GPR37: variants seen among roughly 807,000 people sequenced by gnomAD.
The protein encoded by GPR37 is G protein-coupled receptor 37.
Under a neutral mutation model 43.6 loss-of-function variants are expected in GPR37, and 20 were observed. That is an observed-to-expected ratio of 0.46 (90% CI 0.32 to 0.67). The LOEUF is 0.67. Among genes scored for constraint, GPR37 ranks in the 30% least tolerant of loss-of-function variants. GPR37 has a pLI of 0.03. For missense variants in GPR37, 724 were observed against 797.2 expected, an observed-to-expected ratio of 0.91 and a Z score of 1.11; for synonymous variants, 315 against 322.6, an observed-to-expected ratio of 0.98 and a Z score of 0.25.
At position 124,746,476 on chromosome 7, in the gene GPR37, G is replaced by T; in HGVS notation, c.*49C>A. The T allele has an allele frequency of 5.3e-6, 7 of 1,313,568 alleles. No homozygotes were observed. The highest frequency in any genetic ancestry group is 2.4e-5 in the East Asian group (1 of 40,890). The allele number at this position is 1,313,568 out of a possible 1,614,324, so 81.4% of individuals were successfully genotyped here. On this transcript the variant is annotated 3_prime_UTR_variant, in exon 2 of 2. Transcript: ENST00000303921. ...AAAAATATGAATTAAAAACTTTCAC[G>T]GGATATGAAAATCAAACAAATAAAT...
Position 124,745,237 on chromosome 7 carries a change from A to G in GPR37, c.*1288T>C, listed in dbSNP as rs1056477239. On this transcript the variant is annotated 3_prime_UTR_variant, in exon 2 of 2. Transcript: ENST00000303921. ...CAAGAAAACTGGGTTCTCTATAACA[A>G]GATTTTTCTGAAGACAAAGACATCC... Among the ~76,000 whole-genome samples, 3 of 152,164 alleles carry G rather than the reference A, an allele frequency of 2.0e-5. No homozygotes were observed. Among genetic ancestry groups the G allele is most frequent in the Non-Finnish European group, 4.4e-5 (3 of 68,018 alleles).
rs767736051 is a variant in GPR37, at chr7:124,763,961, T to A, written c.1016A>T (p.Tyr339Phe). Residue 339 changes from tyrosine to phenylalanine, a missense_variant, in exon 1 of 2, where the codon TAT becomes TTT. By Grantham distance (22) the Tyr-to-Phe change is conservative. Around this residue, in one of 2 missense-constraint regions of GPR37, gnomAD observed 342 missense variants for 441.8 expected, o/e 0.77. Coordinates refer to ENST00000303921, the MANE Select transcript of GPR37 (RefSeq NM_005302.5). ...LEDFSCKIVP[Y>F]IEVASLGVTT... ...GCCCCTGGAAGGCATTACCTCTATATAGGGCACGATCTTGCAGGAGAAGTC... is the reference window on the plus strand; with the variant it reads ...GCCCCTGGAAGGCATTACCTCTATAAAGGGCACGATCTTGCAGGAGAAGTC... 3 of 1,613,808 alleles carry A rather than the reference T, an allele frequency of 1.9e-6. No homozygotes were observed. In the Admixed American group the frequency reaches 5.0e-5, roughly 27 times the overall value.
At position 124,764,348 on chromosome 7, in the gene GPR37, C is replaced by A. The variant is rs371391284; in HGVS notation, c.629G>T (p.Trp210Leu). Residue 210 changes from tryptophan to leucine, a missense_variant, in exon 1 of 2, where the codon TGG becomes TTG. Trp to Leu is a moderately conservative substitution (Grantham distance 61, BLOSUM62 -2). Coordinates refer to ENST00000303921, the MANE Select transcript of GPR37 (RefSeq NM_005302.5). This position sits in a 1 kb window ranked among gnomAD's most constrained non-coding sequence, Gnocchi z 5.4. Reference sequence around the variant, plus strand: ...CGCCCGGCCCGGGAGTGCAATTGTCCACCCTTCGTGCCCCGCCAGTCCATT... The same window carrying A: ...CGCCCGGCCCGGGAGTGCAATTGTCAACCCTTCGTGCCCCGCCAGTCCATT... ...TANGLAGHEG[W>L]TIALPGRALA... The A allele has an allele frequency of 2.1e-4, 337 of 1,613,130 alleles. No individual in the cohort carries two copies. The highest frequency in any genetic ancestry group is 2.3e-4 in the Non-Finnish European group (275 of 1,179,850).
chr7:124,744,982 T>G lies in GPR37; in HGVS notation c.*1543A>C, dbSNP rs1398989338. ...TACAAGAAGACAAGGGCACCTTGTT[T>G]GAATTCTCCTGCAGATCCCACAGAA... On this transcript the variant is annotated 3_prime_UTR_variant, in exon 2 of 2. Transcript: ENST00000303921. 1 of 152,144 alleles carries G rather than the reference T, an allele frequency of 6.6e-6. No individual in the cohort carries two copies. The highest frequency in any genetic ancestry group is 1.5e-5 in the Non-Finnish European group (1 of 68,026). The allele number at this position is 152,144 out of a possible 1,614,324, so 9.4% of individuals were successfully genotyped here. A position where few individuals can be genotyped will look rare whatever the true frequency, so the allele number is the denominator to read the frequency against.
chr7:124,753,745 C>T (rs573072973), intron 1 of GPR37, among the ~76,000 whole-genome samples: 214 of 152,166 alleles, frequency 1.4e-3, no homozygotes, highest in African/African-American at 5.0e-3. Flanking sequence ...TCCCTTATCA[C>T]CACTGGCAAG....
rs972719433 is a variant in GPR37 at position 124,746,020 on chromosome 7, G to A, written c.*505C>T. On this transcript the variant is annotated 3_prime_UTR_variant, in exon 2 of 2. Transcript: ENST00000303921. ...AATTGTATCTTTAAGGCAATTAGAA[G>A]ATTTATTGAATATTGGTTAAAAGTA... 1 of 152,142 alleles carries A rather than the reference G, an allele frequency of 6.6e-6. No homozygotes were observed. The highest frequency in any genetic ancestry group is 1.5e-5 in the Non-Finnish European group (1 of 68,052). The allele number at this position is 152,142 out of a possible 1,614,324, so 9.4% of individuals were successfully genotyped here.
intron 1 of GPR37, among the ~76,000 whole-genome samples, chr7:124,748,275 G>C (rs927241970): frequency 2.0e-5 from 3 of 151,858 alleles, no homozygotes; most frequent in African/African-American, 7.3e-5. Flanking sequence ...GAAAAGGAGG[G>C]AAAAAAATGG....
chr7:124,755,407 C>T (rs533838010), intron 1 of GPR37, among the ~76,000 whole-genome samples: 45 of 152,256 alleles, frequency 3.0e-4, no homozygotes, highest in Non-Finnish European at 5.1e-4. Context: ...TGATACCACG[C>T]TTTCCTTATT....
At chr7:124,750,799 A>C (rs1215969781) in intron 1 of GPR37, among the ~76,000 whole-genome samples, 1 of 152,144 alleles carries the variant, frequency 6.6e-6, no homozygotes, top group Non-Finnish European at 1.5e-5. Context: ...ACTGCCTAAG[A>C]AAGCAAAACA....
At chr7:124,758,018 C>T (rs989129818) in intron 1 of GPR37, among the ~76,000 whole-genome samples, 8 of 152,088 alleles carry the variant, frequency 5.3e-5, no homozygotes, top group Admixed American at 6.5e-5. Flanking sequence ...AGCTGAATGC[C>T]AGACAATATC....
chr7:124,757,822 C>CTCCT (rs1173863128), intron 1 of GPR37, among the ~76,000 whole-genome samples: 1 of 152,186 alleles, frequency 6.6e-6, no homozygotes, highest in Non-Finnish European at 1.5e-5. Flanking sequence ...GTATTGCCTT[C>CTCCT]TCCTGCCCAC....
intron 1 of GPR37, among the ~76,000 whole-genome samples, chr7:124,756,000 A>C (rs1045506144): frequency 3.9e-5 from 6 of 152,212 alleles, no homozygotes; most frequent in Non-Finnish European, 8.8e-5. Flanking sequence ...AAATTGAGAA[A>C]CCATATTTTA....
rs773084533 is a variant in GPR37, at chr7:124,764,898, C to T, written c.79G>A (p.Ala27Thr). ...CTGGACGCAGGGGCGACCCCGAGGG[C>T]AGAAGAGGCAGACACCTTGAGCAGT... ...LLLLKVSASS[A>T]LGVAPASRNE... Residue 27 changes from alanine to threonine, a missense_variant, in exon 1 of 2, where the codon GCC becomes ACC. Around this residue, in one of 2 missense-constraint regions of GPR37, gnomAD observed 382 missense variants for 355.4 expected, o/e 1.07. Transcript: ENST00000303921. This position sits in a 1 kb window ranked among gnomAD's most constrained non-coding sequence, Gnocchi z 5.4. The T allele has an allele frequency of 1.6e-5, 25 of 1,601,396 alleles. No homozygotes were observed. In the East Asian group the frequency reaches 5.6e-4, roughly 36 times the overall value.
intron 1 of GPR37, among the ~76,000 whole-genome samples, chr7:124,761,185 G>A (rs1793847184): frequency 6.8e-6 from 1 of 147,978 alleles, no homozygotes; most frequent in South Asian, 2.1e-4. Flanking sequence ...AGCTACTGTA[G>A]TGGATGCTGT....
intron 1 of GPR37, among the ~76,000 whole-genome samples, chr7:124,760,405 A>G (rs566147486): frequency 1.6e-4 from 24 of 152,272 alleles, no homozygotes; most frequent in African/African-American, 5.5e-4. Context: ...TAAGAACATA[A>G]AATTTAACCT....
At position 124,764,047 on chromosome 7, in the gene GPR37, G is replaced by A. The variant is rs775344002; in HGVS notation, c.930C>T (p.Ile310=). 1 of 1,614,176 alleles carries A rather than the reference G, an allele frequency of 6.2e-7. No homozygotes were observed. The highest frequency in any genetic ancestry group is 8.5e-7 in the Non-Finnish European group (1 of 1,180,016). The stretch of plus-strand genomic sequence containing the variant: ...TGACCAGCGGAAGGCAGAAGAAGAT[G>A]ATGAGAAAGTCCCAGAAGGCCAGGT... ...LANLAFWDFL[I]IFFCLPLVIF... is the part of the protein sequence containing the mutation. The change falls in exon 1 of 2, where the codon ATC becomes ATT. Residue 310 remains isoleucine, a synonymous_variant. Coordinates refer to ENST00000303921, the MANE Select transcript of GPR37 (RefSeq NM_005302.5). The surrounding 1 kb of genome is among the most constrained non-coding windows in gnomAD (Gnocchi z 5.4).
At chr7:124,747,460 G>C (rs1204676139) in intron 1 of GPR37, 117 bp from the exon 2 acceptor site, 4 of 659,474 alleles carry the variant, frequency 6.1e-6, no homozygotes, top group Non-Finnish European at 1.0e-5. Flanking sequence ...AAAAATGAGA[G>C]AGAGAGAGAG....
intron 1 of GPR37, 78 bp from the exon 2 acceptor site, chr7:124,747,421 C>A: frequency 3.4e-5 from 29 of 841,114 alleles, no homozygotes; most frequent in South Asian, 7.9e-5. Flanking sequence ...TGCAGATTGG[C>A]AAAACTGTAA....
In GPR37 at chr7:124,764,274, G is replaced by C; in HGVS notation, c.703C>G (p.Pro235Ala). 6.3e-7 allele frequency: 1 copy of C among 1,599,212 alleles called. No individual in the cohort carries two copies. The highest frequency in any genetic ancestry group is 8.5e-7 in the Non-Finnish European group (1 of 1,172,996). ...CGGTTCGTGCTGTTTCCCCGGCGGG[G>C]ACCCCCAGGCTCATGGATTCCTTCA... ...LGEGIHEPGG[P>A]RRGNSTNRRV... is the part of the protein sequence containing the mutation. The change falls in exon 1 of 2, where the codon CCC (proline) becomes GCC (alanine). Residue 235 changes from proline (P) to alanine (A), a missense_variant. Physicochemically the swap from Pro to Ala is conservative, Grantham distance 27 (BLOSUM62 -1). This residue lies in a region of GPR37 where 382 missense variants were observed against 355.4 expected (regional missense o/e 1.07). Coordinates refer to ENST00000303921, the MANE Select transcript of GPR37 (RefSeq NM_005302.5). This position sits in a 1 kb window ranked among gnomAD's most constrained non-coding sequence, Gnocchi z 5.4.
Sources: allele counts gnomAD v4.1 joint callset (sites outside exome capture counted in the v4.1 genomes callset), GRCh38; gene constraint gnomAD v4.1.1; regional missense constraint gnomAD v4.1.1; non-coding constraint Gnocchi (gnomAD v3.1); transcripts MANE v1.5; gene names NCBI Gene and HGNC (gene_info 2026-07-23, HGNC 2026-07-21).